EXTL3: variants seen among roughly 807,000 people sequenced by gnomAD.
EXTL3 encodes exostosin-like 3.
A neutral mutation model predicts 69.3 loss-of-function variants in EXTL3; 27 were observed. That is an observed-to-expected ratio of 0.39 (90% CI 0.29 to 0.54). EXTL3 has a LOEUF of 0.54. Among genes scored for constraint, EXTL3 ranks in the 20% least tolerant of loss-of-function variants. The pLI, the probability that EXTL3 is intolerant of heterozygous loss-of-function variation, is 0.69. For synonymous variants in EXTL3, 511 were observed against 499.4 expected, an observed-to-expected ratio of 1.02 and a Z score of -0.31; for missense variants, 1,003 against 1,231.8, an observed-to-expected ratio of 0.81 and a Z score of 2.78.
chr8:28,675,852 T>C (rs897724277), intron 1 of EXTL3, among the ~76,000 whole-genome samples: 2 of 151,812 alleles, frequency 1.3e-5, no homozygotes, highest in Non-Finnish European at 2.9e-5. Flanking sequence ...TGAAACCCCA[T>C]CTCTACTAAA....
At chr8:28,679,174 G>A (rs240924) in intron 1 of EXTL3, among the ~76,000 whole-genome samples, 45,019 of 152,132 alleles carry the variant, frequency 0.3, 6,739 homozygotes, top group East Asian at 0.4. Flanking sequence ...TAGGCCAGGC[G>A]TGCCGGTTCA....
intron 1 of EXTL3, among the ~76,000 whole-genome samples, chr8:28,643,563 C>G (rs529499156): frequency 1.3e-5 from 2 of 151,816 alleles, no homozygotes; most frequent in South Asian, 4.2e-4. Flanking sequence ...TACAGGCGCC[C>G]GCTACCACAC....
At chr8:28,685,238 C>T (rs1249271616) in intron 1 of EXTL3, among the ~76,000 whole-genome samples, 3 of 152,186 alleles carry the variant, frequency 2.0e-5, no homozygotes, top group Admixed American at 6.5e-5. Context: ...GCGTGAGCCA[C>T]CATGCCCAGC....
intron 6 of EXTL3, among the ~76,000 whole-genome samples, chr8:28,746,315 A>T (rs1801887024): frequency 1.3e-5 from 2 of 152,318 alleles, no homozygotes; most frequent in South Asian, 4.1e-4. Context: ...CACAGAATAT[A>T]AATAGGCTTC....
At chr8:28,608,011 G>A (rs937323334) in intron 2 of EXTL3, among the ~76,000 whole-genome samples, 1 of 151,832 alleles carries the variant, frequency 6.6e-6, no homozygotes, top group Admixed American at 6.6e-5. Context: ...TCGGGAGGCT[G>A]AGGCAGGAGA....
intron 1 of EXTL3, among the ~76,000 whole-genome samples, chr8:28,660,954 C>T (rs1214428380): frequency 6.9e-6 from 1 of 144,828 alleles, no homozygotes; most frequent in African/African-American, 2.6e-5. Flanking sequence ...TGCTCTGTTG[C>T]CCAGGCTGGA....
At chr8:28,671,719 C>T (rs1205758746) in intron 1 of EXTL3, among the ~76,000 whole-genome samples, 1 of 152,294 alleles carries the variant, frequency 6.6e-6, no homozygotes, top group Non-Finnish European at 1.5e-5. Flanking sequence ...GCATCAGTCA[C>T]TAAACTAGGA....
intron 3 of EXTL3, among the ~76,000 whole-genome samples, chr8:28,720,809 T>A (rs1198135409): frequency 6.6e-6 from 1 of 152,210 alleles, no homozygotes; most frequent in East Asian, 1.9e-4. Context: ...TTGTATATTT[T>A]GTAAACACAT....
chr8:28,610,628 A>G (rs1370532738), intron 2 of EXTL3, among the ~76,000 whole-genome samples: 1 of 152,022 alleles, frequency 6.6e-6, no homozygotes, highest in Non-Finnish European at 1.5e-5. Context: ...CTCTGTCTTA[A>G]TTTTCACACC....
rs1262314053 is a variant in EXTL3 at position 28,623,290 on chromosome 8, C to A, written c.-53+480C>A. Among the ~76,000 whole-genome samples the A allele has an allele frequency of 6.6e-6, 1 of 152,178 alleles. No homozygotes were observed. Among genetic ancestry groups the A allele is most frequent in the Non-Finnish European group, 1.5e-5 (1 of 68,008 alleles). On this transcript the variant is annotated intron_variant, in intron 1 of 6. Transcript: ENST00000523149. This position sits in a 1 kb window ranked among gnomAD's most constrained non-coding sequence, Gnocchi z 4.2. ...TGGGTAAGCCCGTGCCGTGGGTGCC[C>A]TCCAGTCCCTGCAGCCCCAAACACA...
At chr8:28,745,450 G>A (rs1801870129) in intron 6 of EXTL3, among the ~76,000 whole-genome samples, 2 of 152,172 alleles carry the variant, frequency 1.3e-5, no homozygotes, top group African/African-American at 4.8e-5. Context: ...TATAAAAACA[G>A]TATGTTTTCC....
At chr8:28,612,117 C>T (rs993929931) in intron 2 of EXTL3, among the ~76,000 whole-genome samples, 1 of 152,150 alleles carries the variant, frequency 6.6e-6, no homozygotes, top group East Asian at 1.9e-4. Context: ...AATCTCCTAT[C>T]GTAACTTTTT....
chr8:28,610,634 A>C (rs1305168738), intron 2 of EXTL3, among the ~76,000 whole-genome samples: 1 of 152,144 alleles, frequency 6.6e-6, no homozygotes, highest in Non-Finnish European at 1.5e-5. Flanking sequence ...CTTAATTTTC[A>C]CACCATACCT....
At chr8:28,629,134 C>A (rs1216999298) in intron 1 of EXTL3, among the ~76,000 whole-genome samples, 2 of 152,046 alleles carry the variant, frequency 1.3e-5, no homozygotes, top group Non-Finnish European at 2.9e-5. Flanking sequence ...GATGTGAAGC[C>A]AAAACCTGTC....
chr8:28,728,232 T>G (rs1239794565), intron 3 of EXTL3, among the ~76,000 whole-genome samples: 1 of 152,230 alleles, frequency 6.6e-6, no homozygotes, highest in East Asian at 1.9e-4. Context: ...GGATGGCCTC[T>G]TACCATTGCT....
At chr8:28,734,073 C>T (rs555341288) in intron 4 of EXTL3, among the ~76,000 whole-genome samples, 2 of 152,240 alleles carry the variant, frequency 1.3e-5, no homozygotes, top group East Asian at 3.9e-4. Context: ...CCGCCTCGGC[C>T]TCCCAAAGTG....
intron 6 of EXTL3, among the ~76,000 whole-genome samples, chr8:28,749,984 C>G (rs936002234): frequency 1.3e-5 from 2 of 152,200 alleles, no homozygotes; most frequent in Non-Finnish European, 2.9e-5. Flanking sequence ...CAGGTAATTT[C>G]ATTTCTTATT....
chr8:28,649,972 G>A (rs911690341), intron 1 of EXTL3, among the ~76,000 whole-genome samples: 9 of 152,032 alleles, frequency 5.9e-5, no homozygotes, highest in Admixed American at 1.3e-4. Context: ...TGAGGCAGGC[G>A]GATCACCTGA....
At chr8:28,650,013 T>G (rs1425490161) in intron 1 of EXTL3, among the ~76,000 whole-genome samples, 1 of 151,854 alleles carries the variant, frequency 6.6e-6, no homozygotes, top group Non-Finnish European at 1.5e-5. Context: ...CTGGCCAACA[T>G]GGTGAAACCC....
Sources: gnomAD v4.1 joint callset for allele counts (sites outside exome capture counted in the v4.1 genomes callset) on GRCh38, gnomAD v4.1.1 for gene constraint, Gnocchi (gnomAD v3.1) non-coding constraint, MANE v1.5 for transcripts, NCBI Gene and HGNC (gene_info 2026-07-23, HGNC 2026-07-21) for gene names.